The following MCCC1 variants were observed in gnomAD, a reference collection of about 807,000 sequenced individuals.
MCCC1 encodes methylcrotonyl-CoA carboxylase subunit 1, also known as methylcrotonoyl-CoA carboxylase subunit alpha, mitochondrial.
A neutral mutation model predicts 83.8 loss-of-function variants in MCCC1; 64 were observed. The observed-to-expected ratio is 0.76, with a 90% CI of 0.62 to 0.94. The LOEUF (loss-of-function observed/expected upper bound fraction) is 0.94. Ranked by LOEUF, MCCC1 falls within the 40% of genes least tolerant of loss-of-function variation. MCCC1 has a pLI of 0.00. For synonymous variants in MCCC1, 322 were observed against 315.4 expected, an observed-to-expected ratio of 1.02 and a Z score of -0.22; for missense variants, 807 against 904.7, an observed-to-expected ratio of 0.89 and a Z score of 1.39.
At chr3:183,032,259 T>C (rs935051567) in intron 14 of MCCC1, among the ~76,000 whole-genome samples, 8 of 152,208 alleles carry the variant, frequency 5.3e-5, no homozygotes, top group African/African-American at 1.9e-4. Flanking sequence ...AGTTGGCCTA[T>C]ATGAATTACA....
Position 183,071,047 on chromosome 3 carries a change from G to C in MCCC1, c.713C>G (p.Ser238Cys), listed in dbSNP as rs775991177. The C allele has an allele frequency of 1.1e-5, 18 of 1,614,066 alleles. No homozygotes were observed. Among genetic ancestry groups the C allele is most frequent in the Admixed American group, 1.7e-5 (1 of 60,000 alleles). ...LESARREAKK[S>C]FNDDAMLIEK... ...GATCAGCATAGCATCATCATTGAAA[G>C]ACTTCTTAGCTTCTCTCCGTGCTGA... Residue 238 changes from serine to cysteine, a missense_variant, in exon 7 of 19, where the codon TCT becomes TGT. Transcript: ENST00000265594.
intron 18 of MCCC1, among the ~76,000 whole-genome samples, chr3:183,016,774 C>T (rs773574676): frequency 3.3e-5 from 5 of 152,208 alleles, no homozygotes; most frequent in African/African-American, 4.8e-5. Flanking sequence ...CAATATTCAG[C>T]CAGGGCTAAG....
intron 13 of MCCC1, among the ~76,000 whole-genome samples, chr3:183,036,537 CTT>C (rs11411314): frequency 1.9e-4 from 22 of 117,656 alleles, no homozygotes; most frequent in Admixed American, 8.5e-4. Flanking sequence ...GATCCATTTC[CTT>C]TTTTTTTTTT....
At chr3:183,036,625 C>T (rs1298718470) in intron 13 of MCCC1, among the ~76,000 whole-genome samples, 3 of 151,214 alleles carry the variant, frequency 2.0e-5, no homozygotes, top group African/African-American at 4.9e-5. Flanking sequence ...CTGCAACCTC[C>T]GCCTCCCGGG....
chr3:183,104,259 C>T (rs1230184334), upstream of MCCC1, among the ~76,000 whole-genome samples: 3 of 152,242 alleles, frequency 2.0e-5, no homozygotes, highest in South Asian at 4.1e-4. Flanking sequence ...GCAGAAGAGG[C>T]GCCGAGAGCG....
chr3:183,048,587 CATAAAATAT>C (rs1235684035), intron 9 of MCCC1, among the ~76,000 whole-genome samples: 2 of 152,102 alleles, frequency 1.3e-5, no homozygotes, highest in Non-Finnish European at 2.9e-5. Flanking sequence ...AACAACAGAG[CATAAAATAT>C]ATGTAGCAAA....
rs150862707 is a variant in MCCC1, at chr3:183,052,169, A to T, written c.945T>A (p.Tyr315Ter). Residue 315 changes from tyrosine to a stop codon, truncating the protein, a stop_gained, in exon 9 of 19, where the codon TAT (tyrosine) becomes TAA (stop). Coordinates refer to ENST00000265594, the MANE Select transcript of MCCC1 (RefSeq NM_020166.5). LOFTEE classifies it high-confidence loss of function. Reference protein sequence around the residue: ...AAVRAAKAVNYVGAGTVEFIM... With the variant: ...AAVRAAKAVN ...CAAATCTTAACCTACCTGCTCCAAC[A>T]TAATTTACAGCTTTAGCAGCTCTGA... The T allele has an allele frequency of 6.2e-6, 10 of 1,613,984 alleles. No individual in the cohort carries two copies. The highest frequency in any genetic ancestry group is 8.5e-6 in the Non-Finnish European group (10 of 1,179,976).
chr3:183,065,085 T>G (rs939065875), intron 7 of MCCC1, among the ~76,000 whole-genome samples: 3 of 152,094 alleles, frequency 2.0e-5, no homozygotes, highest in Non-Finnish European at 4.4e-5. Flanking sequence ...GCTTTGCATG[T>G]CTTTCTGAAT....
upstream of MCCC1, among the ~76,000 whole-genome samples, chr3:183,100,600 G>A (rs1719172411): frequency 6.6e-6 from 1 of 152,208 alleles, no homozygotes; most frequent in African/African-American, 2.4e-5. Context: ...AATCAACAAA[G>A]ATATCACGCA....
chr3:183,078,934 G>C (rs1313509258), intron 4 of MCCC1, among the ~76,000 whole-genome samples: 1 of 152,188 alleles, frequency 6.6e-6, no homozygotes, highest in Non-Finnish European at 1.5e-5. Context: ...GAGAGCTTGT[G>C]CAGGGAAACA....
chr3:183,074,528 T>C (rs139104788), intron 4 of MCCC1, among the ~76,000 whole-genome samples: 278 of 152,262 alleles, frequency 1.8e-3, no homozygotes, highest in Non-Finnish European at 2.6e-3. Flanking sequence ...CCAATCCTGT[T>C]TCAAAATAGT....
chr3:183,034,548 G>A (rs1713398663), intron 13 of MCCC1, among the ~76,000 whole-genome samples: 1 of 147,094 alleles, frequency 6.8e-6, no homozygotes, highest in South Asian at 2.2e-4. Flanking sequence ...GGCTGGTTTT[G>A]TTTACATCTT....
At chr3:183,111,940 T>G (rs747115520) in intron 1 of MCCC1, among the ~76,000 whole-genome samples, 9 of 152,148 alleles carry the variant, frequency 5.9e-5, no homozygotes, top group Non-Finnish European at 1.2e-4. Flanking sequence ...CATGTCAACA[T>G]GTAAAATATA....
chr3:183,092,670 G>A (rs1348837697), intron 2 of MCCC1, 125 bp from the exon 3 acceptor site: 5 of 1,181,024 alleles, frequency 4.2e-6, no homozygotes, highest in Non-Finnish European at 6.0e-6. Flanking sequence ...GGTAAAACTA[G>A]CATAACTGAG....
At chr3:183,096,499 T>C (rs1413769388) in intron 1 of MCCC1, among the ~76,000 whole-genome samples, 1 of 152,216 alleles carries the variant, frequency 6.6e-6, no homozygotes, top group East Asian at 1.9e-4. Flanking sequence ...GCACAGCGTG[T>C]GCATTAGAAA....
chr3:183,102,510 G>A (rs1253102572), upstream of MCCC1, among the ~76,000 whole-genome samples: 3 of 152,020 alleles, frequency 2.0e-5, no homozygotes, highest in Admixed American at 1.3e-4. Context: ...GAGTTTAAAA[G>A]AGAAAAACTT....
chr3:183,081,123 TTAAC>T (rs1231666608), intron 4 of MCCC1, among the ~76,000 whole-genome samples: 1 of 152,220 alleles, frequency 6.6e-6, no homozygotes, highest in Non-Finnish European at 1.5e-5. Flanking sequence ...CTTAAGAAGT[TTAAC>T]TAATTTCTCT....
At chr3:183,069,210 G>T (rs1716471961) in intron 7 of MCCC1, among the ~76,000 whole-genome samples, 1 of 152,184 alleles carries the variant, frequency 6.6e-6, no homozygotes. Flanking sequence ...CCAGGTCTTT[G>T]ATTCCCAGGG....
intron 8 of MCCC1, 57 bp from the exon 9 acceptor site, chr3:183,052,297 C>T: frequency 6.8e-7 from 1 of 1,476,630 alleles, no homozygotes; most frequent in South Asian, 1.1e-5. Context: ...CTAGAAATTC[C>T]ATTAAAATTC....
Sources: gnomAD v4.1 joint callset for allele counts (sites outside exome capture counted in the v4.1 genomes callset) on GRCh38, gnomAD v4.1.1 for gene constraint, MANE v1.5 for transcripts, NCBI Gene and HGNC (gene_info 2026-07-23, HGNC 2026-07-21) for gene names.